Variants in RP1 observed in about 807,000 individuals in gnomAD.
RP1 encodes the protein RP1 axonemal microtubule associated.
In RP1, 16 loss-of-function variants were observed where a neutral mutation model predicts 14.8. That is an observed-to-expected ratio of 1.08 (90% CI 0.73 to 1.65). RP1 has a LOEUF of 1.65. Ranked by LOEUF, RP1 falls within the 40% of genes most tolerant of loss-of-function variation. The pLI, the probability that RP1 is intolerant of heterozygous loss-of-function variation, is 0.00. For synonymous variants in RP1, 876 were observed against 883.6 expected (o/e 0.99, Z 0.15); for missense variants, 2,631 against 2,535.0 (o/e 1.04, Z -0.81).
At chr8:54,852,616 G>A (rs1812081579) in exon 26 of RP1, 6 of 1,231,982 alleles carry the variant, frequency 4.9e-6, no homozygotes, top group Non-Finnish European at 5.1e-6. Context: ...ACAATGACAG[G>A]TGCAGAAACA....
chr8:54,869,424 C>A (rs1812530795), intron 28 of RP1, among the ~76,000 whole-genome samples: 2 of 151,900 alleles, frequency 1.3e-5, no homozygotes, highest in Non-Finnish European at 2.9e-5. Context: ...TACTTCTTTC[C>A]ATATATGGTT....
intron 6 of RP1, among the ~76,000 whole-genome samples, chr8:54,660,838 T>C (rs1228430110): frequency 3.9e-5 from 6 of 152,168 alleles, no homozygotes; most frequent in Non-Finnish European, 5.9e-5. Flanking sequence ...TTCAGTTCAT[T>C]TTTATTATAT....
At chr8:54,837,121 T>C (rs1811676471) in intron 24 of RP1, among the ~76,000 whole-genome samples, 1 of 149,638 alleles carries the variant, frequency 6.7e-6, no homozygotes, top group African/African-American at 2.4e-5. Flanking sequence ...CATAGGATTG[T>C]CTTATTCTTC....
intron 25 of RP1, among the ~76,000 whole-genome samples, chr8:54,841,965 AGTACCATCATAT>A (rs1811799684): frequency 2.0e-5 from 3 of 152,228 alleles, no homozygotes. Context: ...AATGTATTAA[AGTACCATCATAT>A]TTGAAATATG....
intron 21 of RP1, among the ~76,000 whole-genome samples, chr8:54,758,102 A>G (rs960389890): frequency 3.3e-5 from 5 of 152,194 alleles, no homozygotes; most frequent in African/African-American, 1.2e-4. Flanking sequence ...ATGATACTAG[A>G]GTAACATTTT....
At chr8:54,839,626 T>C (rs1294629545) in intron 25 of RP1, among the ~76,000 whole-genome samples, 2 of 152,120 alleles carry the variant, frequency 1.3e-5, no homozygotes, top group African/African-American at 2.4e-5. Context: ...GCCCTTCACC[T>C]CCTGCTGATT....
intron 16 of RP1, among the ~76,000 whole-genome samples, chr8:54,721,123 C>A (rs1052321644): frequency 2.6e-5 from 4 of 152,140 alleles, no homozygotes; most frequent in Non-Finnish European, 4.4e-5. Flanking sequence ...ATAAAATGAG[C>A]CTGATGTAAC....
chr8:54,802,167 T>C (rs1462443125), intron 24 of RP1, among the ~76,000 whole-genome samples: 4 of 152,068 alleles, frequency 2.6e-5, no homozygotes, highest in Admixed American at 6.6e-5. Flanking sequence ...GAGAAGAAAA[T>C]AAATAATATA....
At chr8:54,726,966 C>T (rs994315417) in intron 17 of RP1, among the ~76,000 whole-genome samples, 11 of 151,836 alleles carry the variant, frequency 7.2e-5, no homozygotes, top group African/African-American at 1.4e-4. Flanking sequence ...TTTTATCTGA[C>T]GGGAAAGTAT....
At chr8:54,578,554 A>G (rs1404076109) in intron 1 of RP1, among the ~76,000 whole-genome samples, 1 of 152,152 alleles carries the variant, frequency 6.6e-6, no homozygotes, top group Non-Finnish European at 1.5e-5. Context: ...GAAATTTTCC[A>G]AAAGCAGTTC....
At chr8:54,863,592 A>C (rs1409095356) in intron 27 of RP1, among the ~76,000 whole-genome samples, 5 of 152,228 alleles carry the variant, frequency 3.3e-5, no homozygotes, top group Non-Finnish European at 7.3e-5. Flanking sequence ...CATCAATTGT[A>C]CTACCACTCT....
chr8:54,866,500 T>A (rs1812462293), intron 28 of RP1, among the ~76,000 whole-genome samples: 1 of 152,210 alleles, frequency 6.6e-6, no homozygotes. Context: ...ATGAGAATGA[T>A]TAAATCTTCT....
At chr8:54,708,105 C>A (rs1296360268) in intron 15 of RP1, among the ~76,000 whole-genome samples, 2 of 152,126 alleles carry the variant, frequency 1.3e-5, no homozygotes, top group Non-Finnish European at 2.9e-5. Context: ...CAAGCCTTTC[C>A]CTTCTGGGGC....
At chr8:54,793,607 G>A (rs1052530219) in intron 24 of RP1, among the ~76,000 whole-genome samples, 6 of 152,002 alleles carry the variant, frequency 3.9e-5, no homozygotes, top group South Asian at 2.1e-4. Context: ...TACAGAAAAA[G>A]CATTTGACAA....
rs1287466115 is a variant in RP1, at chr8:54,692,973, C to T, written c.1718-6494C>T. 3.9e-5 allele frequency among the ~76,000 whole-genome samples: 6 copies of T among 152,198 alleles called. No individual in the cohort carries two copies. In the East Asian group the frequency reaches 9.7e-4, roughly 24 times the overall value. On this transcript the variant is annotated intron_variant, in intron 12 of 22. Coordinates refer to the RP1 transcript ENST00000636932. ...TAGGTCTAACATTTACGTCTTTAATCCATCTTGAATTAATTTTTGTATAAG... is the reference window on the plus strand; with the variant it reads ...TAGGTCTAACATTTACGTCTTTAATTCATCTTGAATTAATTTTTGTATAAG...
intron 16 of RP1, among the ~76,000 whole-genome samples, chr8:54,723,436 T>C (rs778409608): frequency 4.7e-4 from 71 of 152,214 alleles, no homozygotes; most frequent in Non-Finnish European, 9.0e-4. Flanking sequence ...TGGTTTAATT[T>C]ACTGTGTATT....
intron 3 of RP1, among the ~76,000 whole-genome samples, chr8:54,645,909 G>A (rs1408309089): frequency 6.6e-6 from 1 of 151,980 alleles, no homozygotes; most frequent in Non-Finnish European, 1.5e-5. Context: ...GGTAAATTGA[G>A]TCTTTCCCCA....
Position 54,715,505 on chromosome 8 carries a change from A to G in RP1, c.2212-4624A>G, listed in dbSNP as rs140928833. Among the ~76,000 whole-genome samples the G allele has an allele frequency of 7.2e-3, 1,101 of 152,306 alleles. 19 individuals carry two copies. The highest frequency in any genetic ancestry group is 0.025 in the African/African-American group (1,043 of 41,570). ...TGGAGGTTAAAAATACCATTCCTTC[A>G]GGCACTGTTAGAGGGGACAAATACG... On this transcript the variant is annotated intron_variant, in intron 15 of 22. Coordinates refer to the RP1 transcript ENST00000636932.
Position 54,628,510 on chromosome 8 carries a change from A to G in RP1, c.4628A>G (p.Asp1543Gly). ...ATPPSLDFCY[D>G]SKQNSEKETN... ...CCACCATCTTTAGATTTTTGCTATG[A>G]TTCTAAGCAAAATAGTGAAAAGGAG... Residue 1543 changes from aspartate to glycine, a missense_variant, in exon 4 of 4, where the codon GAT (aspartate) becomes GGT (glycine). Asp to Gly is a moderately conservative substitution (Grantham distance 94). Coordinates refer to ENST00000220676, the MANE Select transcript of RP1 (RefSeq NM_006269.2). 6.2e-7 allele frequency: 1 copy of G among 1,614,034 alleles called. No individual in the cohort carries two copies. Among genetic ancestry groups the G allele is most frequent in the Non-Finnish European group, 8.5e-7 (1 of 1,179,936 alleles).
Sources: gnomAD v4.1 joint callset for allele counts (sites outside exome capture counted in the v4.1 genomes callset) on GRCh38, gnomAD v4.1.1 for gene constraint, MANE v1.5 for transcripts, NCBI Gene and HGNC (gene_info 2026-07-23, HGNC 2026-07-21) for gene names.